The following CHI3L2 variants were observed in gnomAD, a reference collection of about 807,000 sequenced individuals.
CHI3L2 encodes the protein chitinase-3-like protein 2.
A neutral mutation model predicts 47.3 loss-of-function variants in CHI3L2; 47 were observed. That is an observed-to-expected ratio of 0.99 (90% CI 0.79 to 1.27). The LOEUF is 1.27. CHI3L2 is among the 50% of genes most tolerant of loss of function. The pLI is 0.00. For missense variants in CHI3L2, 497 were observed against 462.1 expected (o/e 1.08, Z -0.69); for synonymous variants, 198 against 169.9 (o/e 1.17, Z -1.28).
At chr1:111,231,086 C>A in intron 3 of CHI3L2, 143 bp downstream of exon 3, 1 of 953,946 alleles carries the variant, frequency 1.0e-6, no homozygotes, top group Non-Finnish European at 1.6e-6. Flanking sequence ...TAACTGTTCT[C>A]ACCAGTGCTT....
chr1:111,242,292 C>A lies in CHI3L2; in HGVS notation c.1101C>A (p.Phe367Leu). 1 of 1,614,074 alleles carries A rather than the reference C, an allele frequency of 6.2e-7. No individual in the cohort carries two copies. Among genetic ancestry groups the A allele is most frequent in the Non-Finnish European group, 8.5e-7 (1 of 1,179,978 alleles). ...AMIWSIDMDD[F>L]TGKSCNQGPY... ...TCTGGTCTATTGACATGGATGACTTCACTGGCAAATCCTGCAACCAGGGCC... is the reference window on the plus strand; with the variant it reads ...TCTGGTCTATTGACATGGATGACTTAACTGGCAAATCCTGCAACCAGGGCC... The change falls in exon 10 of 11, where the codon TTC becomes TTA. Residue 367 changes from phenylalanine to leucine, a missense_variant. Phe to Leu is a conservative substitution (Grantham distance 22). Transcript: ENST00000369748.
At chr1:111,229,952 C>A in intron 2 of CHI3L2, 71 bp downstream of exon 2, 1 of 1,540,708 alleles carries the variant, frequency 6.5e-7, no homozygotes, top group Non-Finnish European at 9.0e-7. Flanking sequence ...TGTACAGTTT[C>A]TTTTTCTGCT....
chr1:111,238,727 C>T, intron 7 of CHI3L2, 23 bp from the exon 8 acceptor site: 1 of 1,612,188 alleles, frequency 6.2e-7, no homozygotes, highest in Non-Finnish European at 8.5e-7. Context: ...CACTCTGAGC[C>T]TCCATCTCTC....
Position 111,238,799 on chromosome 1 carries a change from T to C in CHI3L2, c.785T>C (p.Val262Ala). 1 of 1,613,894 alleles carries C rather than the reference T, an allele frequency of 6.2e-7. No individual in the cohort carries two copies. Among genetic ancestry groups the C allele is most frequent in the South Asian group, 1.1e-5 (1 of 91,036 alleles). ...WIHKGMPSEK[V>A]VMGIPTYGHS... Reference sequence around the variant, plus strand: ...CATAAGGGAATGCCATCAGAGAAGGTGGTCATGGGCATCCCCACATATGGG... The same window carrying C: ...CATAAGGGAATGCCATCAGAGAAGGCGGTCATGGGCATCCCCACATATGGG... Residue 262 changes from valine (V) to alanine (A), a missense_variant, in exon 8 of 11, where the codon GTG (valine) becomes GCG (alanine). Transcript: ENST00000369748.
At position 111,231,236 on chromosome 1, in the gene CHI3L2, A is replaced by G. The variant is rs1659709504; in HGVS notation, c.273-2A>G. The G allele has an allele frequency of 1.9e-6, 3 of 1,607,866 alleles. No homozygotes were observed. Among genetic ancestry groups the G allele is most frequent in the East Asian group, 2.2e-5 (1 of 44,858 alleles). Reference sequence around the variant, plus strand: ...AATAATCATCTTATTCTTCTACTTCAGGAATCCCAAACTGAAAATTCTCTT... The same window carrying G: ...AATAATCATCTTATTCTTCTACTTCGGGAATCCCAAACTGAAAATTCTCTT... On this transcript the variant is annotated splice_acceptor_variant, in intron 3 of 10. Coordinates refer to ENST00000369748, the MANE Select transcript of CHI3L2 (RefSeq NM_004000.3). LOFTEE classifies it high-confidence loss of function.
rs1177505546 is a variant in CHI3L2, at chr1:111,243,330, A to T, written c.*116A>T. The T allele has an allele frequency of 4.5e-6, 2 of 445,306 alleles. No individual in the cohort carries two copies. The highest frequency in any genetic ancestry group is 9.0e-6 in the Non-Finnish European group (2 of 221,034). 27.6% of individuals were successfully genotyped at this position (445,306 alleles called of 1,614,324 possible). ...GGCTGGCCTTTGGATCTCTCTTCCAAGCCTTTCCTGACTTCCTCTTAGATC... is the reference window on the plus strand; with the variant it reads ...GGCTGGCCTTTGGATCTCTCTTCCATGCCTTTCCTGACTTCCTCTTAGATC... On this transcript the variant is annotated 3_prime_UTR_variant, in exon 11 of 11. Coordinates refer to ENST00000369748, the MANE Select transcript of CHI3L2 (RefSeq NM_004000.3).
rs759777523 is a variant in CHI3L2, at chr1:111,227,760, C to A, written c.31C>A (p.Leu11Ile). 6.2e-7 allele frequency: 1 copy of A among 1,614,200 alleles called. No homozygotes were observed. Among genetic ancestry groups the A allele is most frequent in the Admixed American group, 1.7e-5 (1 of 60,024 alleles). Residue 11 changes from leucine to isoleucine, a missense_variant, in exon 1 of 11, where the codon CTC becomes ATC. By Grantham distance (5) the Leu-to-Ile change is conservative. Transcript: ENST00000369748. MGATTMDQKSLWAGVVVLLLL... is the reference protein window; with the variant it reads MGATTMDQKSIWAGVVVLLLL... ...AGCAACCACCATGGACCAGAAGTCT[C>A]TCTGGGCAGGTGAGCATGGGGTTGA...
chr1:111,238,970 T>A (rs377641964), intron 8 of CHI3L2, 38 bp downstream of exon 8: 2 of 1,526,982 alleles, frequency 1.3e-6, no homozygotes, highest in Non-Finnish European at 1.8e-6. Flanking sequence ...CTCCCTGCCA[T>A]GTCTGGGTAG....
At chr1:111,227,865 T>C in intron 1 of CHI3L2, 96 bp downstream of exon 1, 1 of 1,271,696 alleles carries the variant, frequency 7.9e-7, no homozygotes, top group Non-Finnish European at 1.1e-6. Flanking sequence ...TCCTGGGACT[T>C]CAGTCTTTCC....
At chr1:111,237,787 G>A (rs1210445376) in intron 7 of CHI3L2, among the ~76,000 whole-genome samples, 1 of 152,198 alleles carries the variant, frequency 6.6e-6, no homozygotes, top group Non-Finnish European at 1.5e-5. Flanking sequence ...AAGTTAATCT[G>A]AAAAGTTAAT....
chr1:111,229,993 G>A, intron 2 of CHI3L2, 112 bp downstream of exon 2: 1 of 1,157,188 alleles, frequency 8.6e-7, no homozygotes, highest in Non-Finnish European at 1.3e-6. Flanking sequence ...ACTCTCTCCG[G>A]TTCTGCCACT....
intron 3 of CHI3L2, 65 bp from the exon 4 acceptor site, chr1:111,231,173 G>A: frequency 7.2e-7 from 1 of 1,389,632 alleles, no homozygotes; most frequent in Non-Finnish European, 1.0e-6. Context: ...TAAGAACTCT[G>A]TTCTTTAGAC....
At chr1:111,232,130 G>A (rs1045939774) in intron 4 of CHI3L2, among the ~76,000 whole-genome samples, 1 of 152,252 alleles carries the variant, frequency 6.6e-6, no homozygotes, top group African/African-American at 2.4e-5. Context: ...AGAAGAAGTA[G>A]TGTTAGAAGA....
chr1:111,238,563 C>A (rs1295346977), intron 7 of CHI3L2, among the ~76,000 whole-genome samples, 187 bp from the exon 8 acceptor site: 1 of 152,216 alleles, frequency 6.6e-6, no homozygotes, highest in African/African-American at 2.4e-5. Context: ...TTGCATAAGC[C>A]TCTTGCTGCT....
At chr1:111,228,870 T>C (rs1182151123) in intron 1 of CHI3L2, among the ~76,000 whole-genome samples, 2 of 152,202 alleles carry the variant, frequency 1.3e-5, no homozygotes, top group African/African-American at 4.8e-5. Context: ...CTGCTCTTTT[T>C]TTCCTTTAGG....
chr1:111,227,792 A>C, intron 1 of CHI3L2, 23 bp downstream of exon 1: 1 of 1,612,512 alleles, frequency 6.2e-7, no homozygotes, highest in Non-Finnish European at 8.5e-7. Context: ...TTGATAATTC[A>C]GCAGGAAATT....
chr1:111,231,531 G>T, intron 4 of CHI3L2: 1 of 412,902 alleles, frequency 2.4e-6, no homozygotes. Context: ...TTGAGAGAAA[G>T]TGGGCCATGA....
intron 8 of CHI3L2, among the ~76,000 whole-genome samples, chr1:111,240,356 C>T (rs1204849475): frequency 2.0e-5 from 3 of 152,188 alleles, no homozygotes; most frequent in Non-Finnish European, 2.9e-5. Context: ...TTGTGAGAGT[C>T]CTCATTGAAT....
Position 111,230,771 on chromosome 1 carries a change from A to G in CHI3L2, c.100A>G (p.Thr34Ala). The G allele has an allele frequency of 6.2e-7, 1 of 1,614,078 alleles. No individual in the cohort carries two copies. The highest frequency in any genetic ancestry group is 2.2e-5 in the East Asian group (1 of 44,884). ...GSAYKLVCYF[T>A]NWSQDRQEPG... ...TGCCTACAAACTGGTTTGCTACTTT[A>G]CCAACTGGTCCCAGGACCGGCAGGA... The change falls in exon 3 of 11, where the codon ACC (threonine) becomes GCC (alanine). Residue 34 changes from threonine to alanine, a missense_variant. Transcript: ENST00000369748.
Sources: gnomAD v4.1 joint callset for allele counts (sites outside exome capture counted in the v4.1 genomes callset) on GRCh38, gnomAD v4.1.1 for gene constraint, MANE v1.5 for transcripts, NCBI Gene and HGNC (gene_info 2026-07-23, HGNC 2026-07-21) for gene names.